The following IL1A variants were observed in gnomAD, a reference collection of about 807,000 sequenced individuals.
IL1A encodes the protein interleukin 1 alpha.
Under a neutral mutation model 22.2 loss-of-function variants are expected in IL1A, and 16 were observed. The ratio of observed to expected loss-of-function variants is 0.72; its 90% confidence interval spans 0.49 to 1.09. The LOEUF (loss-of-function observed/expected upper bound fraction) is 1.09. Among genes scored for constraint, IL1A ranks in the 50% least tolerant of loss-of-function variants. The pLI is 0.00. For synonymous variants in IL1A, 113 were observed against 118.5 expected, an observed-to-expected ratio of 0.95 and a Z score of 0.30; for missense variants, 317 against 321.8, an observed-to-expected ratio of 0.99 and a Z score of 0.11.
intron 6 of IL1A, among the ~76,000 whole-genome samples, chr2:112,777,404 T>C (rs1477263208): frequency 6.6e-6 from 1 of 152,186 alleles, no homozygotes; most frequent in African/African-American, 2.4e-5. Context: ...TACTTACAAA[T>C]TGAGTCACCT....
At chr2:112,779,773 AT>A in intron 4 of IL1A, 107 bp from the exon 5 acceptor site, 2 of 688,690 alleles carry the variant, frequency 2.9e-6, no homozygotes, top group Non-Finnish European at 4.4e-6. Context: ...TATTAGGAAT[AT>A]TCCAATCCAG....
At chr2:112,779,712 C>T (rs1573253090) in intron 4 of IL1A, 46 bp from the exon 5 acceptor site, 2 of 1,427,628 alleles carry the variant, frequency 1.4e-6, no homozygotes, top group South Asian at 2.5e-5. Context: ...TGTACAAACA[C>T]AGATGATATA....
At chr2:112,778,230 GTGTA>G (rs1033568934) in intron 5 of IL1A, 119 bp from the exon 6 acceptor site, 1 of 775,302 alleles carries the variant, frequency 1.3e-6, no homozygotes, top group African/African-American at 1.8e-5. Context: ...GTGTGTGTGT[GTGTA>G]GTTAGGTCCC....
At chr2:112,781,070 A>C (rs538067141) in intron 4 of IL1A, among the ~76,000 whole-genome samples, 153 of 152,282 alleles carry the variant, frequency 1.0e-3, no homozygotes, top group South Asian at 2.1e-3. Flanking sequence ...GCTAACATTT[A>C]TTGGGTGCTT....
chr2:112,775,216 A>G lies in IL1A; in HGVS notation c.667T>C (p.Phe223Leu), dbSNP rs1234732647. 1 of 1,614,232 alleles carries G rather than the reference A, an allele frequency of 6.2e-7. No homozygotes were observed. The highest frequency in any genetic ancestry group is 1.1e-5 in the South Asian group (1 of 91,086). ...TITGSETNLL[F>L]FWETHGTKNY... ...TTAGTGCCGTGAGTTTCCCAGAAGA[A>G]GAGGAGGTTGGTCTCACTACCTGTG... The change falls in exon 7 of 7, where the codon TTC (phenylalanine) becomes CTC (leucine). Residue 223 changes from phenylalanine to leucine, a missense_variant. Phe to Leu is a conservative substitution (Grantham distance 22). Coordinates refer to ENST00000263339, the MANE Select transcript of IL1A (RefSeq NM_000575.5).
At position 112,778,125 on chromosome 2, in the gene IL1A, GA is replaced by G. The variant is rs1398021247; in HGVS notation, c.491-15del. On this transcript the variant is annotated splice_polypyrimidine_tract_variant and intron_variant, in intron 5 of 6. Transcript: ENST00000263339. ...TGTCAAATTTCACTGGTGAAGAGAA[GA>G]ACCAAAAAGAAAGTAAATTCATTGT... 40 of 1,605,398 alleles carry G rather than the reference GA, an allele frequency of 2.5e-5. No homozygotes were observed. Among genetic ancestry groups the G allele is most frequent in the Non-Finnish European group, 3.4e-5 (40 of 1,175,642 alleles).
chr2:112,784,021 T>C (rs1681259200), intron 1 of IL1A, among the ~76,000 whole-genome samples: 1 of 152,246 alleles, frequency 6.6e-6, no homozygotes, highest in Non-Finnish European at 1.5e-5. Flanking sequence ...CCCAACCTAA[T>C]GTATTGCCAG....
At chr2:112,782,869 G>A (rs1681238931) in intron 2 of IL1A, 105 bp from the exon 3 acceptor site, 2 of 747,464 alleles carry the variant, frequency 2.7e-6, no homozygotes, top group East Asian at 2.6e-5. Flanking sequence ...ACATACACAT[G>A]GCCATTACTG....
Position 112,781,797 on chromosome 2 carries a change from T to C in IL1A, c.126A>G (p.Pro42=), listed in dbSNP as rs1681210713. The part of the protein sequence containing the change: ...QKSFYHVSYG[P]LHEGCMDQSV... Reference sequence around the variant, plus strand: ...ATTGATCCATGCAGCCTTCATGGAGTGGGCCATAGCTTACATGATAGAAGG... The same window carrying C: ...ATTGATCCATGCAGCCTTCATGGAGCGGGCCATAGCTTACATGATAGAAGG... The change falls in exon 4 of 7, where the codon CCA becomes CCG. Residue 42 remains proline, a synonymous_variant. Transcript: ENST00000263339. The C allele has an allele frequency of 3.1e-6, 5 of 1,613,052 alleles. No individual in the cohort carries two copies. The Admixed American group carries it at 6.7e-5, about 22-fold the overall frequency.
intron 5 of IL1A, 134 bp from the exon 6 acceptor site, chr2:112,778,245 C>T: frequency 1.4e-6 from 1 of 699,934 alleles, no homozygotes; most frequent in Non-Finnish European, 2.3e-6. Flanking sequence ...GTTAGGTCCC[C>T]ACCTATGGTG....
At chr2:112,780,564 A>G (rs1016747992) in intron 4 of IL1A, among the ~76,000 whole-genome samples, 1 of 152,220 alleles carries the variant, frequency 6.6e-6, no homozygotes, top group Non-Finnish European at 1.5e-5. Context: ...ACTGAATTAG[A>G]TTTGAGGCTC....
chr2:112,775,270 A>G lies in IL1A; in HGVS notation c.616-3T>C, dbSNP rs770987672. 8 of 1,610,798 alleles carry G rather than the reference A, an allele frequency of 5.0e-6. No homozygotes were observed. Among genetic ancestry groups the G allele is most frequent in the East Asian group, 2.2e-5 (1 of 44,880 alleles). On this transcript the variant is annotated splice_region_variant and splice_polypyrimidine_tract_variant and intron_variant, in intron 6 of 6. Transcript: ENST00000263339. ...GTTTTGGGTATCTCAGGCATCTCCT[A>G]TGAAGAAAAGAAGAGAATTCTGTTA...
intron 4 of IL1A, among the ~76,000 whole-genome samples, chr2:112,780,275 A>G (rs1490347387): frequency 6.6e-6 from 1 of 152,218 alleles, no homozygotes; most frequent in Non-Finnish European, 1.5e-5. Context: ...AGTTGTAAAT[A>G]GTGTGGTCTT....
At position 112,782,735 on chromosome 2, in the gene IL1A, T is replaced by C. The variant is rs1365002825; in HGVS notation, c.77A>G (p.Asp26Gly). 1.2e-6 allele frequency: 2 copies of C among 1,608,578 alleles called. No individual in the cohort carries two copies. The highest frequency in any genetic ancestry group is 4.5e-5 in the East Asian group (2 of 44,848). The change falls in exon 3 of 7, where the codon GAT (aspartate) becomes GGT (glycine). Residue 26 changes from aspartate (D) to glycine (G), a missense_variant. Transcript: ENST00000263339. ...GCTTACCTGATTCAGAGACAGATGA[T>C]CAATGGAGGAACTGTCTTCTTCATT... ...SENEEDSSSI[D>G]HLSLNQKSFY...
At position 112,782,770 on chromosome 2, in the gene IL1A, A is replaced by C. The variant is rs1573255275; in HGVS notation, c.48-6T>G. On this transcript the variant is annotated splice_polypyrimidine_tract_variant and splice_region_variant and intron_variant, in intron 2 of 6. Coordinates refer to ENST00000263339, the MANE Select transcript of IL1A (RefSeq NM_000575.5). Reference sequence around the variant, plus strand: ...AACTGTCTTCTTCATTTTCACTGTCAAAATAAGATGATGAGAATGTAATTG... The same window carrying C: ...AACTGTCTTCTTCATTTTCACTGTCCAAATAAGATGATGAGAATGTAATTG... The C allele has an allele frequency of 1.9e-6, 3 of 1,599,950 alleles. No homozygotes were observed.
At position 112,778,091 on chromosome 2, in the gene IL1A, A is replaced by G. The variant is rs113129609; in HGVS notation, c.511T>C (p.Tyr171His). The G allele has an allele frequency of 6.2e-7, 1 of 1,613,578 alleles. No individual in the cohort carries two copies. The highest frequency in any genetic ancestry group is 8.5e-7 in the Non-Finnish European group (1 of 1,179,632). Residue 171 changes from tyrosine (Y) to histidine (H), a missense_variant, in exon 6 of 7, where the codon TAT becomes CAT. Tyr to His is a moderately conservative substitution (Grantham distance 83, BLOSUM62 2). Coordinates refer to ENST00000263339, the MANE Select transcript of IL1A (RefSeq NM_000575.5). ...DEAVKFDMGA[Y>H]KSSKDDAKIT... ...TTAGCATCATCCTTTGATGACTTATAAGCACCCATGTCAAATTTCACTGGT... is the reference window on the plus strand; with the variant it reads ...TTAGCATCATCCTTTGATGACTTATGAGCACCCATGTCAAATTTCACTGGT...
chr2:112,777,423 G>C (rs1681118412), intron 6 of IL1A, among the ~76,000 whole-genome samples: 1 of 152,190 alleles, frequency 6.6e-6, no homozygotes, highest in African/African-American at 2.4e-5. Flanking sequence ...CTACTTATCA[G>C]TGGAGAAAAC....
chr2:112,780,471 A>G (rs77167654), intron 4 of IL1A, among the ~76,000 whole-genome samples: 1,888 of 152,336 alleles, frequency 0.012, 33 homozygotes, highest in African/African-American at 0.042. Flanking sequence ...TCTTAAAAAC[A>G]GGAATATTGG....
At chr2:112,777,845 A>G (rs573264132) in intron 6 of IL1A, 142 bp downstream of exon 6, 112 of 756,672 alleles carry the variant, frequency 1.5e-4, no homozygotes, top group Non-Finnish European at 2.2e-4. Context: ...TCTGGAATCA[A>G]TGGGAGTGGG....
Sources: allele counts gnomAD v4.1 joint callset (sites outside exome capture counted in the v4.1 genomes callset), GRCh38; gene constraint gnomAD v4.1.1; transcripts MANE v1.5; gene names NCBI Gene and HGNC (gene_info 2026-07-23, HGNC 2026-07-21).